PRMT8: variants seen among roughly 807,000 people sequenced by gnomAD.
PRMT8 encodes the protein protein arginine N-methyltransferase 8.
A neutral mutation model predicts 47.1 loss-of-function variants in PRMT8; 7 were observed. That is an observed-to-expected ratio of 0.15 (90% CI 0.08 to 0.28). The LOEUF is 0.28. Ranked by LOEUF, PRMT8 falls within the 10% of genes least tolerant of loss-of-function variation. The pLI is 1.00. For synonymous variants in PRMT8, 188 were observed against 186.5 expected, an observed-to-expected ratio of 1.01 and a Z score of -0.07; for missense variants, 237 against 505.4, an observed-to-expected ratio of 0.47 and a Z score of 5.09.
intron 4 of PRMT8, among the ~76,000 whole-genome samples, chr12:3,559,033 C>G (rs1383156743): frequency 6.6e-6 from 1 of 151,802 alleles, no homozygotes; most frequent in African/African-American, 2.4e-5. Context: ...ATCTAGCTGT[C>G]TATCTGTCCA....
rs1031257657 is a variant in PRMT8 at position 3,384,910 on chromosome 12, C to T, written c.48+3468C>T. 9.0e-5 allele frequency among the ~76,000 whole-genome samples: 13 copies of T among 144,342 alleles called. No individual in the cohort carries two copies. The East Asian group carries it at 1.0e-3, about 12-fold the overall frequency. 94.7% of individuals were successfully genotyped at this position (144,342 alleles called of 152,430 possible). On this transcript the variant is annotated intron_variant, in intron 1 of 9. Transcript: ENST00000452611. ...CCTATTAAGTGACAGTGGAGCCCTC[C>T]AGTCATGGAGACAACTTCTTTCAAA...
At chr12:3,497,116 C>T (rs1045471408) in intron 1 of PRMT8, among the ~76,000 whole-genome samples, 2 of 152,132 alleles carry the variant, frequency 1.3e-5, no homozygotes, top group Admixed American at 6.5e-5. Flanking sequence ...ACAGTCCTTA[C>T]ACCTTGGAGT....
At chr12:3,575,646 T>C (rs1866926835) in intron 6 of PRMT8, among the ~76,000 whole-genome samples, 2 of 152,250 alleles carry the variant, frequency 1.3e-5, no homozygotes, top group Non-Finnish European at 2.9e-5. Flanking sequence ...TTTTCTCATC[T>C]GCAGCATAGC....
At position 3,392,803 on chromosome 12, in the gene PRMT8, G is replaced by T. The variant is rs551215231; in HGVS notation, c.48+11361G>T. ...AATCGCCACACTGACTTCCACAATGGTTGAACTAGTTTACAGTCCCACCAA... is the reference window on the plus strand; with the variant it reads ...AATCGCCACACTGACTTCCACAATGTTTGAACTAGTTTACAGTCCCACCAA... On this transcript the variant is annotated intron_variant, in intron 1 of 9. Coordinates refer to the PRMT8 transcript ENST00000452611. Among the ~76,000 whole-genome samples, 391 of 151,820 alleles carry T rather than the reference G, an allele frequency of 2.6e-3. 4 individuals are homozygous for T. The highest frequency in any genetic ancestry group is 9.0e-3 in the African/African-American group (373 of 41,438).
chr12:3,520,246 A>G (rs576769052), intron 1 of PRMT8, among the ~76,000 whole-genome samples: 20 of 152,322 alleles, frequency 1.3e-4, no homozygotes, highest in Admixed American at 9.8e-4. Context: ...GGGAAAACCA[A>G]CGGTGCCTTC....
chr12:3,591,894 G>A lies in PRMT8; in HGVS notation c.980-337G>A, dbSNP rs368170268. On this transcript the variant is annotated intron_variant, in intron 8 of 9. Transcript: ENST00000382622. ...ATTAAAAACAGCAGCATGTTCAGAT[G>A]CATGTATGTCCATGCATTTAGTGGG... 9.8e-5 allele frequency among the ~76,000 whole-genome samples: 15 copies of A among 152,308 alleles called. No homozygotes were observed. The South Asian group carries it at 3.1e-3, about 32-fold the overall frequency.
chr12:3,558,965 T>C (rs867779145), intron 4 of PRMT8, among the ~76,000 whole-genome samples: 6 of 140,972 alleles, frequency 4.3e-5, no homozygotes, highest in African/African-American at 1.8e-4. Context: ...TATCTACCTA[T>C]CTATCTATCT....
At chr12:3,440,767 G>C (rs1432685243) in intron 1 of PRMT8, among the ~76,000 whole-genome samples, 1 of 152,130 alleles carries the variant, frequency 6.6e-6, no homozygotes, top group Non-Finnish European at 1.5e-5. Context: ...GGAGGTTGAA[G>C]AACAGTAATT....
intron 1 of PRMT8, among the ~76,000 whole-genome samples, chr12:3,460,730 AG>A (rs1437191520): frequency 6.6e-6 from 1 of 152,226 alleles, no homozygotes; most frequent in African/African-American, 2.4e-5. Context: ...AAGAAGCTAT[AG>A]GTTTCAAACT....
At chr12:3,494,951 G>T (rs35912953) in intron 1 of PRMT8, among the ~76,000 whole-genome samples, 28,176 of 152,166 alleles carry the variant, frequency 0.19, 3,082 homozygotes, top group Middle Eastern at 0.31. Flanking sequence ...TTAGTTCCAT[G>T]TACGCTTTCT....
At chr12:3,488,292 G>A (rs192683801), upstream of PRMT8, among the ~76,000 whole-genome samples, 2 of 152,272 alleles carry the variant, frequency 1.3e-5, no homozygotes, top group East Asian at 3.9e-4. Flanking sequence ...CCTAGCGAAT[G>A]TTGACATAAT....
At chr12:3,579,453 G>C (rs1258603818) in intron 7 of PRMT8, among the ~76,000 whole-genome samples, 3 of 152,142 alleles carry the variant, frequency 2.0e-5, no homozygotes, top group African/African-American at 7.2e-5. Context: ...CAGCCAAGGA[G>C]CGGCTGGAGG....
Position 3,404,952 on chromosome 12 carries a change from T to C in PRMT8, c.48+23510T>C, listed in dbSNP as rs567610519. Among the ~76,000 whole-genome samples the C allele has an allele frequency of 2.5e-4, 38 of 152,342 alleles. No individual in the cohort carries two copies. The South Asian group carries it at 6.4e-3, about 26-fold the overall frequency. On this transcript the variant is annotated intron_variant, in intron 1 of 9. Coordinates refer to the PRMT8 transcript ENST00000452611. ...AGTCTATTTTTTCCCTCTATTAGGATAGCCATAGCAGTTTTCATTTGGTTA... is the reference window on the plus strand; with the variant it reads ...AGTCTATTTTTTCCCTCTATTAGGACAGCCATAGCAGTTTTCATTTGGTTA...
intron 1 of PRMT8, among the ~76,000 whole-genome samples, chr12:3,471,506 G>C (rs910900977): frequency 2.0e-5 from 3 of 151,820 alleles, no homozygotes; most frequent in African/African-American, 7.3e-5. Context: ...GGTCTTCAGG[G>C]CTCCGAGGAT....
At position 3,547,358 on chromosome 12, in the gene PRMT8, T is replaced by TA. The variant is rs34749795; in HGVS notation, c.262-2568dup. Among the ~76,000 whole-genome samples the TA allele has an allele frequency of 7.3e-3, 1,063 of 146,018 alleles. 9 individuals are homozygous for TA. Among genetic ancestry groups the TA allele is most frequent in the Middle Eastern group, 0.014 (4 of 280 alleles). On this transcript the variant is annotated intron_variant, in intron 2 of 9. Transcript: ENST00000382622. Reference sequence around the variant, plus strand: ...TTTCACACAGAAAAATAAAGAAATCTAAAAAAAAAACCCTACTGGAATTAA... The same window carrying TA: ...TTTCACACAGAAAAATAAAGAAATCTAAAAAAAAAAACCCTACTGGAATTAA...
In PRMT8 at chr12:3,539,957, G is replaced by A. The variant is rs1267190973; in HGVS notation, c.76-649G>A. Reference sequence around the variant, plus strand: ...ATCCTCTTCTAGCTTGATGCTGCCTGTTGAGTGGAGAGAAGCCCATGGGTT... The same window carrying A: ...ATCCTCTTCTAGCTTGATGCTGCCTATTGAGTGGAGAGAAGCCCATGGGTT... On this transcript the variant is annotated intron_variant, in intron 1 of 9. Coordinates refer to ENST00000382622, the MANE Select transcript of PRMT8 (RefSeq NM_019854.5). 3.3e-5 allele frequency among the ~76,000 whole-genome samples: 5 copies of A among 152,334 alleles called. No homozygotes were observed. The East Asian group carries it at 5.8e-4, about 18-fold the overall frequency.
chr12:3,553,501 T>G, intron 3 of PRMT8, 150 bp from the exon 4 acceptor site: 1 of 683,510 alleles, frequency 1.5e-6, no homozygotes, highest in Non-Finnish European at 2.6e-6. Flanking sequence ...GGGGCTGGGT[T>G]TCGGTTTTCA....
rs1214245404 is a variant in PRMT8 at position 3,547,916 on chromosome 12, AT to A, written c.262-2017del. Among the ~76,000 whole-genome samples the A allele has an allele frequency of 7.9e-5, 12 of 152,310 alleles. No individual in the cohort carries two copies. The East Asian group carries it at 2.3e-3, about 29-fold the overall frequency. On this transcript the variant is annotated intron_variant, in intron 2 of 9. Transcript: ENST00000382622. Reference sequence around the variant, plus strand: ...TATGAATTAATAAGTTGATTCTAAAATTTATATAGAAATGCAAAGGGCCTAG... The same window carrying A: ...TATGAATTAATAAGTTGATTCTAAAATTATATAGAAATGCAAAGGGCCTAG...
At chr12:3,511,236 C>T (rs537969978) in intron 1 of PRMT8, among the ~76,000 whole-genome samples, 3 of 152,326 alleles carry the variant, frequency 2.0e-5, no homozygotes, top group South Asian at 2.1e-4. Flanking sequence ...GCCAGCTCCA[C>T]ATGGCTGCCC....
Sources: allele counts gnomAD v4.1 joint callset (sites outside exome capture counted in the v4.1 genomes callset), GRCh38; gene constraint gnomAD v4.1.1; transcripts MANE v1.5; gene names NCBI Gene and HGNC (gene_info 2026-07-23, HGNC 2026-07-21).